The following ZGRF1 variants were observed in gnomAD, a reference collection of about 807,000 sequenced individuals.
ZGRF1 encodes the protein 5'-3' DNA helicase ZGRF1.
Under a neutral mutation model 203.5 loss-of-function variants are expected in ZGRF1, and 196 were observed. The ratio of observed to expected loss-of-function variants is 0.96; its 90% CI spans 0.86 to 1.08. The LOEUF (loss-of-function observed/expected upper bound fraction) is 1.08, where lower values mean the gene tolerates loss of function less well. Ranked by LOEUF, ZGRF1 falls within the 50% of genes least tolerant of loss-of-function variation. The pLI is 0.00. For missense variants in ZGRF1, 2,326 were observed against 2,416.3 expected (o/e 0.96, Z 0.78); for synonymous variants, 809 against 841.3 (o/e 0.96, Z 0.66).
intron 19 of ZGRF1, among the ~76,000 whole-genome samples, chr4:112,558,679 A>T (rs995289475): frequency 1.3e-5 from 2 of 152,224 alleles, no homozygotes; most frequent in African/African-American, 4.8e-5. Flanking sequence ...TTCTATAGGT[A>T]TAACAAATAT....
intron 16 of ZGRF1, 60 bp from the exon 17 acceptor site, chr4:112,563,334 T>G: frequency 8.0e-7 from 1 of 1,256,848 alleles, no homozygotes; most frequent in Non-Finnish European, 1.1e-6. Context: ...TTTATATTTT[T>G]AGAAATTATA....
chr4:112,574,918 C>T (rs1049707199), intron 16 of ZGRF1, among the ~76,000 whole-genome samples: 3 of 151,672 alleles, frequency 2.0e-5, no homozygotes, highest in Non-Finnish European at 2.9e-5. Context: ...CCCACCTACT[C>T]GGGAGACTGA....
intron 8 of ZGRF1, among the ~76,000 whole-genome samples, chr4:112,606,585 G>C (rs966543636): frequency 6.6e-6 from 1 of 151,348 alleles, no homozygotes; most frequent in Non-Finnish European, 1.5e-5. Context: ...TTGAACCCTG[G>C]AGGCAGAGAT....
chr4:112,633,508 A>C (rs1194902359), intron 1 of ZGRF1, among the ~76,000 whole-genome samples: 1 of 152,214 alleles, frequency 6.6e-6, no homozygotes, highest in Non-Finnish European at 1.5e-5. Context: ...CCAGATGCAT[A>C]ATATGTATCA....
At chr4:112,583,914 G>T in intron 15 of ZGRF1, 64 bp downstream of exon 15, 2 of 1,036,214 alleles carry the variant, frequency 1.9e-6, no homozygotes, top group Non-Finnish European at 2.8e-6. Flanking sequence ...ACTGATGATA[G>T]TTCTGTGAAG....
At position 112,631,994 on chromosome 4, in the gene ZGRF1, T is replaced by C. The variant is rs1253436751; in HGVS notation, c.38A>G (p.Gln13Arg). ...CCACACTTTTGACTTCTTCATCTTT[T>C]GATGAGTATATAGAACCTTATTTCC... ...SQEFIVLYTH[Q>R]KMKKSKVWQD... is the part of the protein sequence containing the mutation. Residue 13 changes from glutamine to arginine, a missense_variant, in exon 3 of 28, where the codon CAA (glutamine) becomes CGA (arginine). By Grantham distance (43) the Gln-to-Arg change is conservative. Coordinates refer to ENST00000505019, the MANE Select transcript of ZGRF1 (RefSeq NM_018392.5). 1 of 1,578,752 alleles carries C rather than the reference T, an allele frequency of 6.3e-7. No individual in the cohort carries two copies. The highest frequency in any genetic ancestry group is 8.6e-7 in the Non-Finnish European group (1 of 1,156,448).
At chr4:112,544,510 A>C (rs545740132) in intron 24 of ZGRF1, among the ~76,000 whole-genome samples, 31 of 152,330 alleles carry the variant, frequency 2.0e-4, no homozygotes, top group Admixed American at 5.9e-4. Context: ...TTTTAGTAGA[A>C]TTGAAGGCTC....
At position 112,619,481 on chromosome 4, in the gene ZGRF1, T is replaced by C. The variant is rs2046994331; in HGVS notation, c.561A>G (p.Arg187=). 1 of 1,612,484 alleles carries C rather than the reference T, an allele frequency of 6.2e-7. No homozygotes were observed. The highest frequency in any genetic ancestry group is 1.7e-5 in the Admixed American group (1 of 59,808). ...ENIVTYKNRE[R]NAMDFSSVFS... The stretch of plus-strand genomic sequence containing the variant: ...AAACCGAAGAAAAATCCATGGCATT[T>C]CTCTCCCTGTTCTTGTAAGTCACAA... Residue 187 remains arginine, a synonymous_variant, in exon 6 of 28, where the codon AGA becomes AGG. Coordinates refer to ENST00000505019, the MANE Select transcript of ZGRF1 (RefSeq NM_018392.5).
intron 12 of ZGRF1, 48 bp from the exon 13 acceptor site, chr4:112,586,631 G>T: frequency 7.7e-7 from 1 of 1,292,818 alleles, no homozygotes. Flanking sequence ...GAAAAATACT[G>T]TTTACTAAAG....
intron 4 of ZGRF1, among the ~76,000 whole-genome samples, chr4:112,620,682 G>C (rs886193041): frequency 6.6e-6 from 1 of 152,048 alleles, no homozygotes; most frequent in Non-Finnish European, 1.5e-5. Flanking sequence ...AACATAGCAA[G>C]ACCCTGTCTC....
At chr4:112,578,443 G>A (rs1745611566) in intron 16 of ZGRF1, among the ~76,000 whole-genome samples, 1 of 112,628 alleles carries the variant, frequency 8.9e-6, no homozygotes, top group Non-Finnish European at 2.0e-5. Flanking sequence ...GAAGGAAATA[G>A]AGACACAAAA....
intron 1 of ZGRF1, among the ~76,000 whole-genome samples, chr4:112,634,895 G>A (rs1408013265): frequency 2.0e-5 from 3 of 152,200 alleles, no homozygotes; most frequent in East Asian, 3.9e-4. Flanking sequence ...ACTCTGGGAG[G>A]CCATGGCGGG....
At chr4:112,594,626 T>C (rs1286711500) in intron 10 of ZGRF1, among the ~76,000 whole-genome samples, 3 of 151,636 alleles carry the variant, frequency 2.0e-5, no homozygotes, top group Non-Finnish European at 4.4e-5. Context: ...CTAATTTTTG[T>C]ATTTTTGGTA....
At position 112,589,845 on chromosome 4, in the gene ZGRF1, T is replaced by C. The variant is rs1314687032; in HGVS notation, c.3006A>G (p.Thr1002=). The part of the protein sequence containing the change: ...QVTSPEENIS[T]LSPVSTFSLN... ...AAGAAAAGGTAGAAACAGGGCTCAA[T>C]GTAGAGATGTTTTCTTCTGGTGATG... The change falls in exon 11 of 28, where the codon ACA becomes ACG. Residue 1002 remains threonine, a synonymous_variant. Transcript: ENST00000505019. The C allele has an allele frequency of 6.2e-7, 1 of 1,607,636 alleles. No individual in the cohort carries two copies. The highest frequency in any genetic ancestry group is 8.5e-7 in the Non-Finnish European group (1 of 1,177,812).
chr4:112,602,997 A>T (rs1055030932), intron 10 of ZGRF1, among the ~76,000 whole-genome samples: 1 of 151,480 alleles, frequency 6.6e-6, no homozygotes, highest in African/African-American at 2.4e-5. Context: ...TACTTATTTC[A>T]TATATGTATT....
At chr4:112,605,973 T>C in intron 9 of ZGRF1, 35 bp downstream of exon 9, 1 of 1,293,356 alleles carries the variant, frequency 7.7e-7, no homozygotes, top group Middle Eastern at 1.9e-4. Context: ...AAAATGTAGT[T>C]GGTTAAATAA....
Position 112,540,970 on chromosome 4 carries a change from A to G in ZGRF1, c.5776-15T>C. ...TCTCTTTCTATCTGGAGTAAGAAAT[A>G]GATCCTAAATTATATTTCCCAGAAA... is the stretch of plus-strand genomic sequence containing the variant. On this transcript the variant is annotated splice_polypyrimidine_tract_variant and intron_variant, in intron 25 of 27. Coordinates refer to ENST00000505019, the MANE Select transcript of ZGRF1 (RefSeq NM_018392.5). 1.3e-6 allele frequency: 2 copies of G among 1,560,500 alleles called. No homozygotes were observed. The highest frequency in any genetic ancestry group is 2.4e-5 in the South Asian group (2 of 84,978).
intron 9 of ZGRF1, among the ~76,000 whole-genome samples, chr4:112,604,223 C>CAA (rs35629278): frequency 6.4e-4 from 88 of 138,098 alleles, no homozygotes; most frequent in Middle Eastern, 7.8e-3. Flanking sequence ...GATTCCATCT[C>CAA]AAAAAAAAAA....
intron 3 of ZGRF1, among the ~76,000 whole-genome samples, chr4:112,625,499 GGC>G (rs1560884421): frequency 6.7e-6 from 1 of 149,644 alleles, no homozygotes. Flanking sequence ...GCAGGAGAAT[GGC>G]GTGAAACCCG....
Sources: allele counts gnomAD v4.1 joint callset (sites outside exome capture counted in the v4.1 genomes callset), GRCh38; gene constraint gnomAD v4.1.1; transcripts MANE v1.5; gene names NCBI Gene and HGNC (gene_info 2026-07-23, HGNC 2026-07-21).